The following DNAJB4 variants were observed in gnomAD, a reference collection of about 807,000 sequenced individuals.
DNAJB4 encodes the protein dnaJ homolog subfamily B member 4.
DNAJB4 carries 10 observed loss-of-function variants against 26.6 expected under a neutral mutation model. The ratio of observed to expected loss-of-function variants is 0.38; its 90% CI spans 0.23 to 0.64. DNAJB4 has a LOEUF of 0.64. Among genes scored for constraint, DNAJB4 ranks in the 30% least tolerant of loss-of-function variants. The pLI is 0.58. For missense variants in DNAJB4, 328 were observed against 408.2 expected, an observed-to-expected ratio of 0.80 and a Z score of 1.69; for synonymous variants, 136 against 134.8, an observed-to-expected ratio of 1.01 and a Z score of -0.06.
chr1:77,985,025 G>A (rs749970652), intron 1 of DNAJB4, among the ~76,000 whole-genome samples: 22 of 152,126 alleles, frequency 1.4e-4, no homozygotes, highest in South Asian at 8.3e-4. Context: ...ATGAAGCATC[G>A]GTGTTTGGGT....
chr1:78,000,297 T>G (rs79987252), upstream of DNAJB4, among the ~76,000 whole-genome samples: 1,779 of 152,308 alleles, frequency 0.012, 33 homozygotes, highest in African/African-American at 0.041. Flanking sequence ...CCAATCACAT[T>G]TAAGTATCAC....
intron 2 of DNAJB4, among the ~76,000 whole-genome samples, chr1:78,014,694 A>G (rs1330394914): frequency 6.6e-6 from 1 of 151,826 alleles, no homozygotes; most frequent in Non-Finnish European, 1.5e-5. Context: ...TCCACCTCCC[A>G]GGTTCAAGTA....
chr1:77,992,421 A>AAAG (rs1244301642), intron 1 of DNAJB4, among the ~76,000 whole-genome samples: 2 of 149,562 alleles, frequency 1.3e-5, no homozygotes, highest in African/African-American at 2.5e-5. Context: ...TCAAAAAAAA[A>AAAG]AAAAAAAAAA....
At chr1:78,012,100 C>T (rs1265538882) in intron 1 of DNAJB4, among the ~76,000 whole-genome samples, 2 of 61,152 alleles carry the variant, frequency 3.3e-5, no homozygotes, top group East Asian at 4.5e-4. Flanking sequence ...TATACTTCAG[C>T]ATGCCAGATC....
intron 1 of DNAJB4, among the ~76,000 whole-genome samples, chr1:77,996,021 C>T (rs890249237): frequency 1.3e-5 from 2 of 152,156 alleles, no homozygotes; most frequent in Admixed American, 6.5e-5. Flanking sequence ...GCTCGCCATA[C>T]ATTCACTAGT....
At chr1:77,986,086 T>C (rs939145089) in intron 1 of DNAJB4, among the ~76,000 whole-genome samples, 4 of 152,144 alleles carry the variant, frequency 2.6e-5, no homozygotes, top group Admixed American at 2.0e-4. Context: ...TCCTAGTGTA[T>C]GTTAAATTAT....
chr1:77,980,642 A>C (rs977408633), intron 1 of DNAJB4, among the ~76,000 whole-genome samples: 4 of 152,126 alleles, frequency 2.6e-5, no homozygotes, highest in African/African-American at 7.2e-5. Context: ...GTTAGGTCTA[A>C]AAAAATACTT....
chr1:77,992,412 CAAAAAAAAA>C (rs67649336), intron 1 of DNAJB4, among the ~76,000 whole-genome samples: 7 of 47,742 alleles, frequency 1.5e-4, no homozygotes, highest in African/African-American at 4.9e-4. Flanking sequence ...GACTCCGTCT[CAAAAAAAAA>C]AAAAAAAAAA....
chr1:78,003,434 G>A (rs115045612), upstream of DNAJB4, among the ~76,000 whole-genome samples: 4 of 152,214 alleles, frequency 2.6e-5, no homozygotes, highest in South Asian at 4.2e-4. Flanking sequence ...GTAGAAAATC[G>A]TAGCTGTCAA....
chr1:77,994,030 G>C (rs1660002611), intron 1 of DNAJB4, among the ~76,000 whole-genome samples: 1 of 152,116 alleles, frequency 6.6e-6, no homozygotes, highest in African/African-American at 2.4e-5. Flanking sequence ...GGTAGCAGTG[G>C]TTTCGTGATT....
chr1:78,010,383 TAAAAA>T (rs572371498), intron 1 of DNAJB4, among the ~76,000 whole-genome samples: 3 of 148,650 alleles, frequency 2.0e-5, no homozygotes, highest in South Asian at 2.1e-4. Flanking sequence ...ATTCTATCAT[TAAAAA>T]AAAAATCTGC....
At chr1:77,996,921 A>C (rs1410269120) in intron 1 of DNAJB4, among the ~76,000 whole-genome samples, 1 of 152,108 alleles carries the variant, frequency 6.6e-6, no homozygotes, top group African/African-American at 2.4e-5. Flanking sequence ...TGCAACCTTG[A>C]GCTCCTGGTC....
chr1:77,994,855 A>G (rs936714764), intron 1 of DNAJB4, among the ~76,000 whole-genome samples: 2 of 152,174 alleles, frequency 1.3e-5, no homozygotes, highest in African/African-American at 4.8e-5. Flanking sequence ...TGAACAATGT[A>G]GTACTATTTT....
At chr1:77,995,968 A>G (rs1660052151) in intron 1 of DNAJB4, among the ~76,000 whole-genome samples, 1 of 152,188 alleles carries the variant, frequency 6.6e-6, no homozygotes, top group South Asian at 2.1e-4. Flanking sequence ...AAAACAAAAA[A>G]AGAACTCTTT....
upstream of DNAJB4, chr1:78,004,293 A>G (rs529622639): frequency 6.6e-6 from 1 of 152,366 alleles, no homozygotes; most frequent in Non-Finnish European, 1.5e-5. Context: ...TGCCAGAACT[A>G]TGAACTCATG....
intron 1 of DNAJB4, among the ~76,000 whole-genome samples, chr1:77,988,070 G>T (rs1411034141): frequency 1.4e-5 from 2 of 143,192 alleles, no homozygotes; most frequent in Non-Finnish European, 3.0e-5. Context: ...TGGTCACTCA[G>T]GCTTGAGTGC....
intron 1 of DNAJB4, among the ~76,000 whole-genome samples, chr1:78,011,938 A>ATTTTTTTATATATTTATATTTATT (rs1466279846): frequency 9.4e-5 from 14 of 148,534 alleles, no homozygotes; most frequent in Admixed American, 5.4e-4. Flanking sequence ...ATATTTTATT[A>ATTTTTTTATATATTTATATTTATT]ATATATTTAT....
At chr1:77,980,335 A>G (rs1182188378) in intron 1 of DNAJB4, 1 of 123,782 alleles carries the variant, frequency 8.1e-6, no homozygotes, top group African/African-American at 3.7e-5. Flanking sequence ...ATATATATAT[A>G]TATATGTGTG....
At chr1:77,997,774 T>G (rs932078901) in intron 1 of DNAJB4, among the ~76,000 whole-genome samples, 29 of 152,084 alleles carry the variant, frequency 1.9e-4, no homozygotes, top group Non-Finnish European at 4.1e-4. Flanking sequence ...AAGTTGAGGA[T>G]AATAATTAAC....
Sources: gnomAD v4.1 joint callset for allele counts (sites outside exome capture counted in the v4.1 genomes callset) on GRCh38, gnomAD v4.1.1 for gene constraint, MANE v1.5 for transcripts, NCBI Gene and HGNC (gene_info 2026-07-23, HGNC 2026-07-21) for gene names.